The following RANBP2 variants were observed in gnomAD, a reference collection of about 807,000 sequenced individuals.
The protein encoded by RANBP2 is RAN binding protein 2.
RANBP2 carries 57 observed loss-of-function variants against 303.6 expected under a neutral mutation model. The ratio of observed to expected loss-of-function variants is 0.19; its 90% CI spans 0.15 to 0.23. RANBP2 has a LOEUF of 0.23. RANBP2 is among the 10% of genes least tolerant of loss of function. The probability of loss-of-function intolerance (pLI) is 1.00; values close to 1 mark genes in which losing one functional copy is unlikely to be tolerated. For missense variants in RANBP2, 3,138 were observed against 3,780.8 expected (o/e 0.83, Z 4.46); for synonymous variants, 1,167 against 1,301.5 (o/e 0.90, Z 2.23).
At chr2:109,155,329 C>G in the RANBP2 span, among the ~76,000 whole-genome samples, 2 of 152,230 alleles carry the variant, frequency 1.3e-5, no homozygotes, top group Admixed American at 1.3e-4. Context: ...GAGATGGAGT[C>G]TCGCTCTGTT....
the RANBP2 span, chr2:108,794,547 G>C: frequency 6.3e-7 from 1 of 1,594,338 alleles, no homozygotes; most frequent in East Asian, 2.2e-5. Flanking sequence ...CAGTTGCCTT[G>C]CCAACTAATA....
the RANBP2 span, among the ~76,000 whole-genome samples, chr2:109,661,454 G>A: frequency 6.6e-6 from 1 of 152,118 alleles, no homozygotes; most frequent in South Asian, 2.1e-4. Context: ...CACCATGTTG[G>A]CCAGGCTGCT....
At chr2:108,734,002 T>C (rs1695373361) in intron 4 of RANBP2, among the ~76,000 whole-genome samples, 1 of 151,242 alleles carries the variant, frequency 6.6e-6, no homozygotes, top group African/African-American at 2.4e-5. Context: ...TTCTCTCAAG[T>C]ATGAGATAGA....
chr2:108,830,819 C>A, the RANBP2 span, among the ~76,000 whole-genome samples: 285 of 138,488 alleles, frequency 2.1e-3, 2 homozygotes, highest in African/African-American at 7.0e-3. Context: ...AAATAAAAAA[C>A]AAAAAAAAAA....
the RANBP2 span, among the ~76,000 whole-genome samples, chr2:108,994,690 G>A: frequency 2.0e-5 from 3 of 151,664 alleles, no homozygotes; most frequent in African/African-American, 7.3e-5. Flanking sequence ...CGGGGAAAGG[G>A]GATTATGGGG....
the RANBP2 span, among the ~76,000 whole-genome samples, chr2:109,642,393 C>T: frequency 6.6e-6 from 1 of 152,154 alleles, no homozygotes; most frequent in African/African-American, 2.4e-5. Context: ...AAGCGCCAAA[C>T]AAAGTTCTTG....
chr2:109,598,327 C>CA, the RANBP2 span, among the ~76,000 whole-genome samples: 1 of 152,024 alleles, frequency 6.6e-6, no homozygotes, highest in African/African-American at 2.4e-5. Flanking sequence ...CTCAGCCTCC[C>CA]AAAGTGCTGG....
chr2:109,731,732 C>G, the RANBP2 span, among the ~76,000 whole-genome samples: 1 of 152,134 alleles, frequency 6.6e-6, no homozygotes, highest in Non-Finnish European at 1.5e-5. Flanking sequence ...GGTGATCCCC[C>G]CAGCCTCGGC....
chr2:109,137,965 G>T, the RANBP2 span, among the ~76,000 whole-genome samples: 1 of 152,204 alleles, frequency 6.6e-6, no homozygotes, highest in African/African-American at 2.4e-5. Context: ...TGCCTGTGTG[G>T]AGTGCCTTTA....
chr2:108,818,441 A>G, the RANBP2 span, among the ~76,000 whole-genome samples: 1 of 152,234 alleles, frequency 6.6e-6, no homozygotes, highest in Admixed American at 6.5e-5. Context: ...GTCTGTTGAC[A>G]TGTTCAGGAT....
At chr2:109,614,087 G>T in the RANBP2 span, 1 of 1,211,478 alleles carries the variant, frequency 8.3e-7, no homozygotes, top group Non-Finnish European at 1.0e-6. Flanking sequence ...CTCGACGCCT[G>T]AGGACTGAGC....
chr2:109,111,685 G>A, the RANBP2 span, among the ~76,000 whole-genome samples: 1 of 150,544 alleles, frequency 6.6e-6, no homozygotes, highest in Non-Finnish European at 1.5e-5. Context: ...ACAATGTGCA[G>A]GTTAGTTACA....
the RANBP2 span, among the ~76,000 whole-genome samples, chr2:109,104,636 A>G: frequency 2.6e-5 from 4 of 151,942 alleles, no homozygotes; most frequent in South Asian, 6.3e-4. Flanking sequence ...GGCGCCCGCC[A>G]CCATGCCAGG....
chr2:108,749,341 A>G (rs1224959526), intron 9 of RANBP2, among the ~76,000 whole-genome samples: 1 of 152,096 alleles, frequency 6.6e-6, no homozygotes, highest in East Asian at 1.9e-4. Flanking sequence ...CTTGTCGCCC[A>G]TGCTGGAGTG....
the RANBP2 span, chr2:108,897,190 T>C: frequency 1.9e-6 from 3 of 1,613,788 alleles, no homozygotes; most frequent in Admixed American, 5.0e-5. Flanking sequence ...TCGGCTAGTC[T>C]TCTCGAGGCA....
the RANBP2 span, among the ~76,000 whole-genome samples, chr2:109,253,611 C>T: frequency 7.3e-3 from 1,115 of 152,196 alleles, 8 homozygotes; most frequent in South Asian, 0.024. Context: ...AACAGTCTTT[C>T]GGTTTAGCCT....
chr2:108,759,411 T>G (rs1234392952), intron 18 of RANBP2, among the ~76,000 whole-genome samples: 2 of 152,202 alleles, frequency 1.3e-5, no homozygotes, highest in African/African-American at 4.8e-5. Flanking sequence ...TATAATACAT[T>G]GCTCCCAGGC....
the RANBP2 span, among the ~76,000 whole-genome samples, chr2:109,679,744 C>T: frequency 2.6e-5 from 4 of 152,188 alleles, no homozygotes; most frequent in Admixed American, 2.0e-4. Flanking sequence ...AACTCCATTC[C>T]TGACCTACTC....
chr2:109,613,988 A>G, the RANBP2 span: 4 of 1,078,580 alleles, frequency 3.7e-6, 1 homozygote, highest in African/African-American at 1.7e-5. Flanking sequence ...GCCGAGCTGG[A>G]GGCCTCCGGG....
Sources: gnomAD v4.1 joint callset for allele counts (sites outside exome capture counted in the v4.1 genomes callset) on GRCh38, gnomAD v4.1.1 for gene constraint, MANE v1.5 for transcripts, NCBI Gene and HGNC (gene_info 2026-07-23, HGNC 2026-07-21) for gene names.